Variants in PTPRN2 observed in about 807,000 individuals in gnomAD.
The protein encoded by PTPRN2 is receptor-type tyrosine-protein phosphatase N2.
In PTPRN2, 74 loss-of-function variants were observed where a neutral mutation model predicts 118.8. The observed-to-expected ratio is 0.62, with a 90% CI of 0.52 to 0.76. PTPRN2 has a LOEUF of 0.76. Ranked by LOEUF, PTPRN2 falls within the 30% of genes least tolerant of loss-of-function variation. The pLI is 0.00. For synonymous variants in PTPRN2, 641 were observed against 608.0 expected (o/e 1.05, Z -0.80); for missense variants, 1,481 against 1,394.4 (o/e 1.06, Z -0.99).
intron 2 of PTPRN2, among the ~76,000 whole-genome samples, chr7:158,454,599 G>T (rs1205710408): frequency 1.3e-5 from 2 of 151,656 alleles, no homozygotes; most frequent in Non-Finnish European, 2.9e-5. Context: ...ACAGAGGACA[G>T]ACAAGACACA....
At chr7:158,168,018 C>G (rs1166003006) in intron 5 of PTPRN2, among the ~76,000 whole-genome samples, 1 of 152,084 alleles carries the variant, frequency 6.6e-6, no homozygotes, top group African/African-American at 2.4e-5. Flanking sequence ...TGGGTTTATT[C>G]GAGGATATTA....
intron 12 of PTPRN2, among the ~76,000 whole-genome samples, chr7:157,721,560 C>G (rs200592708): frequency 1.3e-5 from 2 of 152,208 alleles, no homozygotes; most frequent in Non-Finnish European, 2.9e-5. Context: ...GCCACAGCAC[C>G]GCTGTCTGTT....
chr7:158,366,437 G>GCA (rs1414708226), intron 2 of PTPRN2, among the ~76,000 whole-genome samples: 98 of 151,226 alleles, frequency 6.5e-4, no homozygotes, highest in African/African-American at 2.4e-3. Flanking sequence ...ATGCACGCGT[G>GCA]CACACGCACA....
intron 2 of PTPRN2, among the ~76,000 whole-genome samples, chr7:158,327,030 C>G (rs1324404512): frequency 1.3e-5 from 2 of 152,036 alleles, no homozygotes; most frequent in African/African-American, 4.8e-5. Flanking sequence ...TATACACATT[C>G]TCACACATGC....
intron 13 of PTPRN2, chr7:157,669,680 A>G: frequency 2.7e-6 from 1 of 377,034 alleles, no homozygotes; most frequent in South Asian, 2.0e-5. Context: ...AAAATTAAAG[A>G]TATAGACATG....
chr7:157,746,503 C>T (rs922950430), intron 12 of PTPRN2, among the ~76,000 whole-genome samples: 2 of 149,142 alleles, frequency 1.3e-5, no homozygotes, highest in Non-Finnish European at 3.0e-5. Context: ...ACTCCCTGCA[C>T]CCCACAGTCC....
chr7:157,949,774 T>C (rs1251872894), intron 11 of PTPRN2, among the ~76,000 whole-genome samples: 1 of 152,194 alleles, frequency 6.6e-6, no homozygotes, highest in African/African-American at 2.4e-5. Flanking sequence ...TTATTTGAAA[T>C]CAATAAATGA....
At position 158,159,339 on chromosome 7, in the gene PTPRN2, C is replaced by CG. The variant is rs917227728; in HGVS notation, c.910+7591dup. Among the ~76,000 whole-genome samples the CG allele has an allele frequency of 8.5e-5, 13 of 152,356 alleles. 1 individual carries two copies. In the South Asian group the frequency reaches 1.9e-3, roughly 22 times the overall value. On this transcript the variant is annotated intron_variant, in intron 6 of 22. Coordinates refer to ENST00000389418, the MANE Select transcript of PTPRN2 (RefSeq NM_002847.5). The stretch of plus-strand genomic sequence containing the variant: ...GAGTGCACTTCCCACATGAACACCA[C>CG]GGGCCCCATCTTAGGACAGAGGCTG...
intron 14 of PTPRN2, among the ~76,000 whole-genome samples, chr7:157,635,422 T>C (rs1428541946): frequency 2.0e-5 from 3 of 152,256 alleles, no homozygotes; most frequent in Admixed American, 6.5e-5. Context: ...GCAGGTGCAA[T>C]GTACTGAGCC....
chr7:158,534,883 G>A (rs1267078695), intron 1 of PTPRN2, among the ~76,000 whole-genome samples: 1 of 144,026 alleles, frequency 6.9e-6, no homozygotes, highest in Non-Finnish European at 1.5e-5. Flanking sequence ...GGCGGGGTGG[G>A]AAACGCAGCG....
At chr7:158,162,249 G>T (rs1170143740) in intron 6 of PTPRN2, among the ~76,000 whole-genome samples, 1 of 152,222 alleles carries the variant, frequency 6.6e-6, no homozygotes, top group African/African-American at 2.4e-5. Flanking sequence ...TACTTAACCA[G>T]TAGAAGTTAA....
At chr7:158,245,038 G>A (rs982538790) in intron 3 of PTPRN2, among the ~76,000 whole-genome samples, 1 of 152,154 alleles carries the variant, frequency 6.6e-6, no homozygotes, top group Non-Finnish European at 1.5e-5. Context: ...GGATGGCCTC[G>A]TGAGGCGGCG....
At chr7:158,545,435 A>G (rs778599876) in intron 1 of PTPRN2, among the ~76,000 whole-genome samples, 21 of 152,194 alleles carry the variant, frequency 1.4e-4, no homozygotes, top group Non-Finnish European at 1.3e-4. Flanking sequence ...TCTCAAGTAG[A>G]ACTGTCCCTA....
At position 157,610,615 on chromosome 7, in the gene PTPRN2, C is replaced by T. The variant is rs532913089; in HGVS notation, c.2345-6540G>A. On this transcript the variant is annotated intron_variant, in intron 15 of 22. Coordinates refer to ENST00000389418, the MANE Select transcript of PTPRN2 (RefSeq NM_002847.5). This position sits in a 1 kb window ranked among gnomAD's most constrained non-coding sequence, Gnocchi z 5.1. ...CGTCAGTGCTGCTTAGGGATCCCAGCGGCTCACACACAGAAAGGCCTTTGA... is the reference window on the plus strand; with the variant it reads ...CGTCAGTGCTGCTTAGGGATCCCAGTGGCTCACACACAGAAAGGCCTTTGA... Among the ~76,000 whole-genome samples the T allele has an allele frequency of 1.4e-4, 22 of 152,260 alleles. No individual in the cohort carries two copies. Among genetic ancestry groups the T allele is most frequent in the Non-Finnish European group, 2.8e-4 (19 of 68,028 alleles).
intron 2 of PTPRN2, among the ~76,000 whole-genome samples, chr7:158,341,824 C>G (rs1806882613): frequency 8.1e-6 from 1 of 124,180 alleles, no homozygotes; most frequent in African/African-American, 3.4e-5. Flanking sequence ...GTGACACCAG[C>G]AGACGTCACT....
intron 5 of PTPRN2, among the ~76,000 whole-genome samples, chr7:158,173,593 A>G (rs1044897160): frequency 6.6e-6 from 1 of 152,230 alleles, no homozygotes; most frequent in African/African-American, 2.4e-5. Flanking sequence ...ACAGGGTTCG[A>G]GAGCAGACAA....
intron 11 of PTPRN2, among the ~76,000 whole-genome samples, chr7:157,962,243 G>A (rs6952971): frequency 0.044 from 6,689 of 151,504 alleles, 481 homozygotes; most frequent in African/African-American, 0.15. Flanking sequence ...ACAAATATTT[G>A]TGTGTTTCCT....
intron 20 of PTPRN2, among the ~76,000 whole-genome samples, chr7:157,570,934 C>T (rs917921379): frequency 1.2e-4 from 18 of 152,262 alleles, no homozygotes; most frequent in African/African-American, 4.1e-4. Context: ...GACACTGCAC[C>T]GTGGGCTGCT....
chr7:157,824,339 C>T (rs1333021206), intron 12 of PTPRN2, among the ~76,000 whole-genome samples: 1 of 152,346 alleles, frequency 6.6e-6, no homozygotes, highest in East Asian at 1.9e-4. Flanking sequence ...ACAAGAGGGC[C>T]TTCCCCTTTG....
Sources: allele counts gnomAD v4.1 joint callset (sites outside exome capture counted in the v4.1 genomes callset), GRCh38; gene constraint gnomAD v4.1.1; non-coding constraint Gnocchi (gnomAD v3.1); transcripts MANE v1.5; gene names NCBI Gene and HGNC (gene_info 2026-07-23, HGNC 2026-07-21).